Variants in LRRC7 observed in about 807,000 individuals in gnomAD.
The protein encoded by LRRC7 is leucine rich repeat containing 7.
A neutral mutation model predicts 175.7 loss-of-function variants in LRRC7; 23 were observed. That is an observed-to-expected ratio of 0.13 (90% CI 0.09 to 0.19). The LOEUF is 0.19. Among genes scored for constraint, LRRC7 ranks in the 10% least tolerant of loss-of-function variants. The pLI, the probability that LRRC7 is intolerant of heterozygous loss-of-function variation, is 1.00. For synonymous variants in LRRC7, 685 were observed against 680.9 expected, an observed-to-expected ratio of 1.01 and a Z score of -0.09; for missense variants, 1,354 against 1,904.7, an observed-to-expected ratio of 0.71 and a Z score of 5.38.
intron 4 of LRRC7, among the ~76,000 whole-genome samples, chr1:69,806,969 A>G (rs997791088): frequency 3.3e-5 from 5 of 151,914 alleles, no homozygotes; most frequent in African/African-American, 9.7e-5. Flanking sequence ...AATTGCATAT[A>G]AAAAGTACAC....
intron 23 of LRRC7, among the ~76,000 whole-genome samples, chr1:70,063,820 C>T (rs937114143): frequency 6.6e-6 from 1 of 151,970 alleles, no homozygotes; most frequent in Non-Finnish European, 1.5e-5. Context: ...GATACTCCAT[C>T]GTTTTTTAAT....
At chr1:69,785,358 T>G (rs548764689) in intron 3 of LRRC7, among the ~76,000 whole-genome samples, 1 of 152,264 alleles carries the variant, frequency 6.6e-6, no homozygotes, top group East Asian at 1.9e-4. Context: ...TTAGTTAATT[T>G]TGACAGTTTT....
At chr1:69,771,760 A>G (rs1672263936) in intron 3 of LRRC7, among the ~76,000 whole-genome samples, 1 of 152,192 alleles carries the variant, frequency 6.6e-6, no homozygotes, top group Admixed American at 6.5e-5. Flanking sequence ...CTTGCTCCAA[A>G]AGGAGCATGT....
chr1:69,568,523 T>A lies in LRRC7; in HGVS notation c.-117T>A. On this transcript the variant is annotated 5_prime_UTR_variant, in exon 1 of 27. Coordinates refer to ENST00000651989, the MANE Select transcript of LRRC7 (RefSeq NM_001370785.2). ...ACCTTCTACTCCTTCCCTCCTCTTC[T>A]CCTCCGAAGACCCTGGCGCCCACTC... 1.0e-6 allele frequency: 1 copy of A among 960,016 alleles called. No homozygotes were observed. The highest frequency in any genetic ancestry group is 1.4e-6 in the Non-Finnish European group (1 of 692,886). 59.5% of individuals were successfully genotyped at this position (960,016 alleles called of 1,614,324 possible). A position where few individuals can be genotyped will look rare whatever the true frequency, so the allele number is the denominator to read the frequency against.
chr1:69,905,954 C>T (rs1646293519), intron 7 of LRRC7, among the ~76,000 whole-genome samples: 1 of 152,242 alleles, frequency 6.6e-6, no homozygotes. Flanking sequence ...ACCATCCTAA[C>T]TGGTGTGAGA....
chr1:69,653,296 T>G (rs1329894729), intron 1 of LRRC7, among the ~76,000 whole-genome samples: 1 of 151,958 alleles, frequency 6.6e-6, no homozygotes, highest in African/African-American at 2.4e-5. Flanking sequence ...TTTTTTAATT[T>G]TTTTATTATT....
chr1:69,847,584 T>A (rs1189915913), intron 7 of LRRC7, among the ~76,000 whole-genome samples: 1 of 152,074 alleles, frequency 6.6e-6, no homozygotes, highest in Non-Finnish European at 1.5e-5. Flanking sequence ...TGTTTCTTAT[T>A]ATACACTGCC....
intron 7 of LRRC7, among the ~76,000 whole-genome samples, chr1:69,885,294 T>G (rs1687063010): frequency 2.1e-5 from 3 of 144,320 alleles, no homozygotes; most frequent in Non-Finnish European, 3.0e-5. Context: ...CAATTTCAGC[T>G]CCTGTTATTG....
At chr1:69,768,201 G>A (rs1373960417) in intron 3 of LRRC7, among the ~76,000 whole-genome samples, 2 of 152,120 alleles carry the variant, frequency 1.3e-5, no homozygotes, top group Admixed American at 1.3e-4. Context: ...CAACAAAAAT[G>A]CATCTGAGTC....
chr1:69,799,288 T>A (rs913393442), intron 4 of LRRC7, among the ~76,000 whole-genome samples: 1 of 152,044 alleles, frequency 6.6e-6, no homozygotes, highest in Non-Finnish European at 1.5e-5. Context: ...ATTCTGGGCT[T>A]TTAGTATAAC....
At chr1:69,876,420 A>C (rs1220389723) in intron 7 of LRRC7, among the ~76,000 whole-genome samples, 1 of 152,184 alleles carries the variant, frequency 6.6e-6, no homozygotes, top group Admixed American at 6.6e-5. Flanking sequence ...AAAGACTGAT[A>C]GTCTATATTT....
At chr1:70,068,624 A>AT (rs1166536035) in intron 23 of LRRC7, among the ~76,000 whole-genome samples, 7 of 150,278 alleles carry the variant, frequency 4.7e-5, no homozygotes, top group South Asian at 2.1e-4. Flanking sequence ...TTGTTTTTTT[A>AT]TTTTTTTGGT....
chr1:69,808,104 G>T (rs1677353237), intron 4 of LRRC7, among the ~76,000 whole-genome samples: 1 of 151,266 alleles, frequency 6.6e-6, no homozygotes, highest in Non-Finnish European at 1.5e-5. Context: ...ATTGATACTT[G>T]TGTATGCTTC....
At position 69,973,973 on chromosome 1, in the gene LRRC7, G is replaced by A. The variant is rs139904005; in HGVS notation, c.712-6406G>A. Among the ~76,000 whole-genome samples the A allele has an allele frequency of 3.6e-3, 552 of 152,270 alleles. 3 individuals are homozygous for A. The highest frequency in any genetic ancestry group is 5.5e-3 in the Non-Finnish European group (373 of 68,018). ...ATCTTCTATGTTCCCCCTCCGAGTC[G>A]TATTCCAATCCCTCCTTCACCAAGG... On this transcript the variant is annotated intron_variant, in intron 8 of 26. Transcript: ENST00000651989.
intron 7 of LRRC7, among the ~76,000 whole-genome samples, chr1:69,847,742 A>G (rs1324482214): frequency 6.6e-6 from 1 of 152,018 alleles, no homozygotes; most frequent in Non-Finnish European, 1.5e-5. Flanking sequence ...GAGTTTCTTA[A>G]TAACGCTTGC....
At chr1:69,806,585 T>A (rs962203425) in intron 4 of LRRC7, among the ~76,000 whole-genome samples, 3 of 152,054 alleles carry the variant, frequency 2.0e-5, no homozygotes, top group African/African-American at 4.8e-5. Context: ...AATCTCCCTA[T>A]AATCTGCACT....
intron 17 of LRRC7, among the ~76,000 whole-genome samples, chr1:70,025,297 TTAA>T (rs1446353227): frequency 1.3e-5 from 2 of 150,918 alleles, no homozygotes; most frequent in Admixed American, 6.6e-5. Context: ...ACCTATAGAA[TTAA>T]TAATAATGTT....
At chr1:69,631,283 A>AT (rs536835265) in intron 1 of LRRC7, among the ~76,000 whole-genome samples, 9 of 151,542 alleles carry the variant, frequency 5.9e-5, no homozygotes, top group Admixed American at 3.3e-4. Flanking sequence ...TTTCTATGAA[A>AT]TTTTTTTTTC....
intron 4 of LRRC7, among the ~76,000 whole-genome samples, chr1:69,809,771 A>G (rs998859060): frequency 1.3e-5 from 2 of 152,202 alleles, no homozygotes; most frequent in African/African-American, 2.4e-5. Context: ...GATGGAATGT[A>G]TCTCAATGTA....
Sources: allele counts gnomAD v4.1 joint callset (sites outside exome capture counted in the v4.1 genomes callset), GRCh38; gene constraint gnomAD v4.1.1; transcripts MANE v1.5; gene names NCBI Gene and HGNC (gene_info 2026-07-23, HGNC 2026-07-21).